The following CACNA1I variants were observed in gnomAD, a reference collection of about 807,000 sequenced individuals.
The protein encoded by CACNA1I is calcium voltage-gated channel subunit alpha1 I.
CACNA1I carries 74 observed loss-of-function variants against 201.6 expected under a neutral mutation model. The observed-to-expected ratio is 0.37, with a 90% confidence interval of 0.30 to 0.45. CACNA1I has a LOEUF of 0.45. Ranked by LOEUF, CACNA1I falls within the 20% of genes least tolerant of loss-of-function variation. The pLI, the probability that CACNA1I is intolerant of heterozygous loss-of-function variation, is 1.00. For missense variants in CACNA1I, 2,346 were observed against 3,138.1 expected, an observed-to-expected ratio of 0.75 and a Z score of 6.03; for synonymous variants, 1,431 against 1,345.2, an observed-to-expected ratio of 1.06 and a Z score of -1.40.
At chr22:39,601,687 A>G (rs73885280) in intron 3 of CACNA1I, among the ~76,000 whole-genome samples, 2,111 of 151,972 alleles carry the variant, frequency 0.014, 51 homozygotes, top group African/African-American at 0.048. Flanking sequence ...CATGGCTGAG[A>G]CGGACAGTCA....
chr22:39,647,975 C>G, intron 9 of CACNA1I, 49 bp downstream of exon 9: 1 of 1,506,894 alleles, frequency 6.6e-7, no homozygotes, highest in Non-Finnish European at 9.2e-7. Flanking sequence ...CCCAATACCA[C>G]TTCTCCCAGT....
At chr22:39,655,844 C>T (rs1269212590) in intron 10 of CACNA1I, among the ~76,000 whole-genome samples, 1 of 152,206 alleles carries the variant, frequency 6.6e-6, no homozygotes, top group Non-Finnish European at 1.5e-5. Flanking sequence ...GGAGGAACAT[C>T]TGTTGTGAGG....
At chr22:39,672,067 C>T (rs1022582596) in intron 26 of CACNA1I, 132 bp from the exon 27 acceptor site, 2 of 640,384 alleles carry the variant, frequency 3.1e-6, no homozygotes, top group Non-Finnish European at 5.7e-6. Context: ...AGAATAAAAG[C>T]AGCATATAAA....
rs1023879054 is a variant in CACNA1I, at chr22:39,666,636, G to T, written c.4104+630G>T. ...CTCCCCTTCCCTGCTCTCATTTCTC[G>T]AGGGCCTGCCCAGGAGGCCAGGTAT... On this transcript the variant is annotated intron_variant, in intron 23 of 36. Transcript: ENST00000402142. The surrounding 1 kb of genome is among the most constrained non-coding windows in gnomAD (Gnocchi z 4.1). 6.6e-6 allele frequency among the ~76,000 whole-genome samples: 1 copy of T among 152,174 alleles called. No homozygotes were observed. The highest frequency in any genetic ancestry group is 6.5e-5 in the Admixed American group (1 of 15,286).
At position 39,668,361 on chromosome 22, in the gene CACNA1I, G is replaced by A; in HGVS notation, c.4174G>A (p.Ala1392Thr). The A allele has an allele frequency of 6.2e-7, 1 of 1,612,758 alleles. No homozygotes were observed. Among genetic ancestry groups the A allele is most frequent in the Non-Finnish European group, 8.5e-7 (1 of 1,178,850 alleles). Residue 1392 changes from alanine (A) to threonine (T), a missense_variant, in exon 24 of 37, where the codon GCT becomes ACT. Ala to Thr is a moderately conservative substitution (Grantham distance 58, BLOSUM62 0). Around this residue, in one of 13 missense-constraint regions of CACNA1I, gnomAD observed 228 missense variants for 395.7 expected, o/e 0.58. Coordinates refer to ENST00000402142, the MANE Select transcript of CACNA1I (RefSeq NM_021096.4). ...GAACATCATGTACAATGGACTGGAT[G>A]CTGTTGCTGTGGACCAGCAGGTGGG... ...WVNIMYNGLD[A>T]VAVDQQPVTN...
rs1935397606 is a variant in CACNA1I at position 39,672,284 on chromosome 22, G to A, written c.4625G>A (p.Gly1542Asp). ...LEAVLKLVAF[G>D]LRRFFKDRWN... ...GCTGTGCTGAAGCTGGTGGCATTTG[G>A]TCTGAGGCGCTTCTTCAAGGACCGG... is the stretch of plus-strand genomic sequence containing the variant. Residue 1542 changes from glycine (G) to aspartate (D), a missense_variant, in exon 27 of 37, where the codon GGT becomes GAT. Coordinates refer to ENST00000402142, the MANE Select transcript of CACNA1I (RefSeq NM_021096.4). 6.2e-7 allele frequency: 1 copy of A among 1,613,324 alleles called. No individual in the cohort carries two copies. The highest frequency in any genetic ancestry group is 8.5e-7 in the Non-Finnish European group (1 of 1,179,584).
intron 1 of CACNA1I, among the ~76,000 whole-genome samples, chr22:39,576,743 G>A (rs1932369090): frequency 6.6e-6 from 1 of 152,224 alleles, no homozygotes; most frequent in Non-Finnish European, 1.5e-5. Flanking sequence ...GATGGGGAAA[G>A]TTGGGCACCA....
chr22:39,663,715 CAGGT>C lies in CACNA1I; in HGVS notation c.3474-2_3475del. 13 of 1,589,390 alleles carry C rather than the reference CAGGT, an allele frequency of 8.2e-6. No individual in the cohort carries two copies. The highest frequency in any genetic ancestry group is 1.1e-5 in the Non-Finnish European group (13 of 1,157,914). On this transcript the variant is annotated splice_acceptor_variant and coding_sequence_variant, in exon 19 of 37. Transcript: ENST00000402142. LOFTEE classifies it high-confidence loss of function. ...TCAGGCAGCCCCCGCCCACCCTGCC[CAGGT>C]TCCGGGTCCTGTGTCAGACCATTAT...
At chr22:39,658,877 G>T (rs1601505581) in intron 11 of CACNA1I, 54 bp from the exon 12 acceptor site, 1 of 1,450,878 alleles carries the variant, frequency 6.9e-7, no homozygotes, top group African/African-American at 1.4e-5. Flanking sequence ...TCTCCCCCTG[G>T]CCTCCTACTG....
At chr22:39,662,549 G>C in intron 17 of CACNA1I, 114 bp downstream of exon 17, 1 of 836,940 alleles carries the variant, frequency 1.2e-6, no homozygotes, top group Non-Finnish European at 1.8e-6. Context: ...TGGCCGGGGC[G>C]TGGCCGGAGC....
At position 39,661,279 on chromosome 22, in the gene CACNA1I, T is replaced by C. The variant is rs1233389169; in HGVS notation, c.2870T>C (p.Leu957Pro). ...TCCCGAAAGAGCAGTGTCATGTCTC[T>C]AGGGAGGATGAGCTATGACCAGCGC... ...LGSRKSSVMS[L>P]GRMSYDQRSL... The change falls in exon 16 of 37, where the codon CTA (leucine) becomes CCA (proline). Residue 957 changes from leucine (L) to proline (P), a missense_variant. By Grantham distance (98) the Leu-to-Pro change is moderately conservative. Coordinates refer to ENST00000402142, the MANE Select transcript of CACNA1I (RefSeq NM_021096.4). 7.5e-6 allele frequency: 12 copies of C among 1,598,106 alleles called. No individual in the cohort carries two copies. The highest frequency in any genetic ancestry group is 7.7e-6 in the Non-Finnish European group (9 of 1,172,028).
intron 1 of CACNA1I, among the ~76,000 whole-genome samples, chr22:39,583,068 CCAT>C (rs1932618372): frequency 1.3e-5 from 2 of 150,464 alleles, no homozygotes; most frequent in Non-Finnish European, 3.0e-5. Context: ...ATCCATCCAT[CCAT>C]CCATCCATCC....
At chr22:39,576,539 G>A (rs1464314868) in intron 1 of CACNA1I, among the ~76,000 whole-genome samples, 1 of 152,234 alleles carries the variant, frequency 6.6e-6, no homozygotes, top group Non-Finnish European at 1.5e-5. Flanking sequence ...CCAGGGCAGA[G>A]AGGAGCTTCC....
intron 1 of CACNA1I, among the ~76,000 whole-genome samples, chr22:39,578,267 A>G (rs1439312521): frequency 6.6e-6 from 1 of 151,716 alleles, no homozygotes; most frequent in Non-Finnish European, 1.5e-5. Flanking sequence ...TGAGCAGGCC[A>G]CCTCTCAGTT....
intron 3 of CACNA1I, among the ~76,000 whole-genome samples, chr22:39,615,040 C>T (rs1264145819): frequency 6.6e-6 from 1 of 152,238 alleles, no homozygotes. Context: ...TAAGCGATGT[C>T]TTATTTGGGG....
intron 1 of CACNA1I, among the ~76,000 whole-genome samples, chr22:39,593,584 T>C (rs1344607290): frequency 6.6e-6 from 1 of 152,178 alleles, no homozygotes; most frequent in East Asian, 1.9e-4. Flanking sequence ...CAGTGAGTGA[T>C]AAGACTGCAA....
At chr22:39,617,150 G>A (rs2146389635) in intron 3 of CACNA1I, among the ~76,000 whole-genome samples, 1 of 152,316 alleles carries the variant, frequency 6.6e-6, no homozygotes, top group African/African-American at 2.4e-5. Flanking sequence ...CACCCAGTAG[G>A]GTCTCAAACA....
At chr22:39,603,151 C>CAAA (rs11430018) in intron 3 of CACNA1I, among the ~76,000 whole-genome samples, 62 of 132,516 alleles carry the variant, frequency 4.7e-4, no homozygotes, top group African/African-American at 1.6e-3. Flanking sequence ...AAGACCCTGT[C>CAAA]AAAAAAAAAA....
At chr22:39,615,267 C>A (rs1427522186) in intron 3 of CACNA1I, among the ~76,000 whole-genome samples, 1 of 152,134 alleles carries the variant, frequency 6.6e-6, no homozygotes, top group Non-Finnish European at 1.5e-5. Flanking sequence ...GGGAGATGGA[C>A]GGAGGCCACA....
Sources: allele counts gnomAD v4.1 joint callset (sites outside exome capture counted in the v4.1 genomes callset), GRCh38; gene constraint gnomAD v4.1.1; regional missense constraint gnomAD v4.1.1; non-coding constraint Gnocchi (gnomAD v3.1); transcripts MANE v1.5; gene names NCBI Gene and HGNC (gene_info 2026-07-23, HGNC 2026-07-21).